The following DNAAF6 variants were observed in gnomAD, a reference collection of about 807,000 sequenced individuals.
DNAAF6 encodes PIH1 domain containing 3.
A neutral mutation model predicts 13.7 loss-of-function variants in DNAAF6; 3 were observed. The observed-to-expected ratio is 0.22, with a 90% CI of 0.10 to 0.56. The LOEUF is 0.56. DNAAF6 is among the 20% of genes least tolerant of loss of function. The pLI is 0.92. For missense variants in DNAAF6, 130 were observed against 151.0 expected, an observed-to-expected ratio of 0.86 and a Z score of 0.73; for synonymous variants, 54 against 49.2, an observed-to-expected ratio of 1.10 and a Z score of -0.41.
In DNAAF6 at chrX:107,216,706, T is replaced by C. The variant is rs1170231450; in HGVS notation, c.189T>C (p.Pro63=). ...TATCTACTATTGGAGCCATGGGTCCTGGGAATATTGGACCACCCCAAATAG... is the reference window on the plus strand; with the variant it reads ...TATCTACTATTGGAGCCATGGGTCCCGGGAATATTGGACCACCCCAAATAG... The part of the protein sequence containing the change: ...NGLSTIGAMG[P]GNIGPPQIEE... The change falls in exon 3 of 7, where the codon CCT becomes CCC. Residue 63 remains proline (P), a synonymous_variant. Coordinates refer to ENST00000372453, the MANE Select transcript of DNAAF6 (RefSeq NM_173494.2). 2 of 1,202,266 alleles carry C rather than the reference T, an allele frequency of 1.7e-6. No individual in the cohort carries two copies. Among genetic ancestry groups the C allele is most frequent in the South Asian group, 1.8e-5 (1 of 55,635 alleles).
At chrX:107,236,553 C>T (rs764106772) in intron 5 of DNAAF6, among the ~76,000 whole-genome samples, 1 of 111,752 alleles carries the variant, frequency 8.9e-6, no homozygotes, top group South Asian at 3.8e-4. Flanking sequence ...TGCGATTCCA[C>T]CTAATTTGTC....
intron 5 of DNAAF6, among the ~76,000 whole-genome samples, chrX:107,231,127 A>G (rs1409482056): frequency 8.9e-6 from 1 of 112,211 alleles, no homozygotes; most frequent in Non-Finnish European, 1.9e-5. Context: ...TAATAGAGAT[A>G]CACTATTCAG....
At chrX:107,234,156 A>G (rs1928469033) in intron 5 of DNAAF6, among the ~76,000 whole-genome samples, 1 of 111,757 alleles carries the variant, frequency 8.9e-6, no homozygotes, top group Non-Finnish European at 1.9e-5. Context: ...ATTTTTAAAA[A>G]GACAGGTGTG....
chrX:107,243,163 T>C lies in DNAAF6; in HGVS notation c.516-6T>C. 2 of 1,197,706 alleles carry C rather than the reference T, an allele frequency of 1.7e-6. No individual in the cohort carries two copies. Among genetic ancestry groups the C allele is most frequent in the Non-Finnish European group, 1.1e-6 (1 of 891,565 alleles). ...GCTAAGGTTTTATTTTGTTGTTTTT[T>C]TTTAGGAAGCTGTTGATAACTCTTC... On this transcript the variant is annotated splice_region_variant and splice_polypyrimidine_tract_variant and intron_variant, in intron 6 of 6. Coordinates refer to ENST00000372453, the MANE Select transcript of DNAAF6 (RefSeq NM_173494.2).
In DNAAF6 at chrX:107,238,805, A is replaced by C. The variant is rs747206403; in HGVS notation, c.430-117A>C. 37 of 1,082,627 alleles carry C rather than the reference A, an allele frequency of 3.4e-5. No homozygotes were observed. In the African/African-American group the frequency reaches 6.1e-4, roughly 18 times the overall value. The allele number at this position is 1,082,627 out of a possible 1,213,427, so 89.2% of individuals were successfully genotyped here. ...CTCAAGATTGACATAAAGATAGGGC[A>C]TAGCCTGGCACATAGTTGACAATAA... On this transcript the variant is annotated intron_variant, in intron 5 of 6. Transcript: ENST00000372453.
chrX:107,229,807 G>A (rs769240182), intron 5 of DNAAF6, among the ~76,000 whole-genome samples: 33 of 110,404 alleles, frequency 3.0e-4, no homozygotes, highest in African/African-American at 1.0e-3. Context: ...CCTGCCTCAG[G>A]CTCCGGAGTA....
intron 3 of DNAAF6, among the ~76,000 whole-genome samples, chrX:107,218,544 G>A (rs192601246): frequency 9.0e-6 from 1 of 110,820 alleles, no homozygotes; most frequent in East Asian, 2.8e-4. Context: ...GAGAGAGAGA[G>A]AGACTGGAAT....
Position 107,229,127 on chromosome X carries a change from C to CTTTTTT in DNAAF6, c.429+6309_429+6314dup, listed in dbSNP as rs768372176. On this transcript the variant is annotated intron_variant, in intron 5 of 6. Coordinates refer to ENST00000372453, the MANE Select transcript of DNAAF6 (RefSeq NM_173494.2). Reference sequence around the variant, plus strand: ...GCAGCATTCCACCCTGTTGACTACTCTTTTTTTTTTTTTTTTTTTTTTTTT... The same window carrying CTTTTTT: ...GCAGCATTCCACCCTGTTGACTACTCTTTTTTTTTTTTTTTTTTTTTTTTTTTTTTT... Among the ~76,000 whole-genome samples, 81 of 51,596 alleles carry CTTTTTT rather than the reference C, an allele frequency of 1.6e-3. 28 individuals carry two copies. Among genetic ancestry groups the CTTTTTT allele is most frequent in the African/African-American group, 8.4e-3 (76 of 9,006 alleles). The allele number at this position is 51,596 out of a possible 115,157, so 44.8% of individuals were successfully genotyped here.
chrX:107,235,558 G>A (rs1268625780), intron 5 of DNAAF6, among the ~76,000 whole-genome samples: 1 of 111,424 alleles, frequency 9.0e-6, no homozygotes, highest in Non-Finnish European at 1.9e-5. Flanking sequence ...TCCATGTGGT[G>A]AAGAGCTGAG....
intron 4 of DNAAF6, among the ~76,000 whole-genome samples, chrX:107,220,013 G>T (rs1158424408): frequency 9.0e-6 from 1 of 110,802 alleles, no homozygotes; most frequent in Non-Finnish European, 1.9e-5. Flanking sequence ...TGGCCAGGCT[G>T]GTCTGGAACT....
At chrX:107,216,121 A>C (rs898898942) in intron 2 of DNAAF6, among the ~76,000 whole-genome samples, 7 of 111,855 alleles carry the variant, frequency 6.3e-5, no homozygotes, top group Non-Finnish European at 1.3e-4. Flanking sequence ...CCACTAGTTC[A>C]GTGTCATGAG....
intron 4 of DNAAF6, among the ~76,000 whole-genome samples, chrX:107,220,947 CTTTCTTTCTT>C (rs1434556724): frequency 3.8e-4 from 13 of 34,602 alleles, no homozygotes; most frequent in African/African-American, 8.3e-4. Context: ...TTCTTTCTTT[CTTTCTTTCTT>C]TTTCTTTCTT....
chrX:107,207,124 T>A (rs1034459361), intron 1 of DNAAF6: 2 of 111,871 alleles, frequency 1.8e-5, no homozygotes, highest in Non-Finnish European at 3.8e-5. Context: ...GCAGCCACTG[T>A]ACCCTTCTGT....
At chrX:107,224,880 C>T (rs1442515630) in intron 5 of DNAAF6, among the ~76,000 whole-genome samples, 2 of 108,852 alleles carry the variant, frequency 1.8e-5, no homozygotes, top group African/African-American at 6.7e-5. Flanking sequence ...CAAAATATCT[C>T]ATGCACCCCA....
chrX:107,230,284 A>T (rs1252046189), intron 5 of DNAAF6, among the ~76,000 whole-genome samples: 1 of 111,632 alleles, frequency 9.0e-6, no homozygotes, highest in Non-Finnish European at 1.9e-5. Flanking sequence ...AACGATCATC[A>T]TCTCTATCTG....
Position 107,243,929 on chromosome X carries a change from G to T in DNAAF6, c.*631G>T, listed in dbSNP as rs992358600. 1 of 112,198 alleles carries T rather than the reference G, an allele frequency of 8.9e-6. No individual in the cohort carries two copies. Among genetic ancestry groups the T allele is most frequent in the Non-Finnish European group, 1.9e-5 (1 of 53,167 alleles). The allele number at this position is 112,198 out of a possible 1,213,427, so 9.2% of individuals were successfully genotyped here. ...TATTATTACCAGAGAATTTTATTTG[G>T]TTGCTTTTTCATTGATTTGAGCAAA... On this transcript the variant is annotated 3_prime_UTR_variant, in exon 7 of 7. Coordinates refer to ENST00000372453, the MANE Select transcript of DNAAF6 (RefSeq NM_173494.2).
intron 4 of DNAAF6, among the ~76,000 whole-genome samples, chrX:107,219,836 G>T (rs189861749): frequency 5.7e-5 from 6 of 105,320 alleles, no homozygotes; most frequent in African/African-American, 2.1e-4. Context: ...TTGCTCTGTC[G>T]CCCAGGCTGG....
At chrX:107,214,122 G>A (rs1238113861) in intron 2 of DNAAF6, among the ~76,000 whole-genome samples, 1 of 111,447 alleles carries the variant, frequency 9.0e-6, no homozygotes, top group Non-Finnish European at 1.9e-5. Context: ...GCCAGGATCA[G>A]GAACCAGGAA....
At chrX:107,218,598 G>T (rs1928049123) in intron 3 of DNAAF6, among the ~76,000 whole-genome samples, 1 of 110,713 alleles carries the variant, frequency 9.0e-6, no homozygotes. Flanking sequence ...CAGGCAGTTG[G>T]ATTGTAGATT....
Sources: allele counts gnomAD v4.1 joint callset (sites outside exome capture counted in the v4.1 genomes callset), GRCh38; gene constraint gnomAD v4.1.1; transcripts MANE v1.5; gene names NCBI Gene and HGNC (gene_info 2026-07-23, HGNC 2026-07-21).